VPS54: variants seen among roughly 807,000 people sequenced by gnomAD.
The protein encoded by VPS54 is VPS54 subunit of GARP complex, also known as vacuolar protein sorting-associated protein 54.
Under a neutral mutation model 121.5 loss-of-function variants are expected in VPS54, and 45 were observed. The ratio of observed to expected loss-of-function variants is 0.37; its 90% CI spans 0.29 to 0.47. The LOEUF (loss-of-function observed/expected upper bound fraction) is 0.47. VPS54 is among the 20% of genes least tolerant of loss of function. The pLI, the probability that VPS54 is intolerant of heterozygous loss-of-function variation, is 0.99. For synonymous variants in VPS54, 371 were observed against 385.8 expected (o/e 0.96, Z 0.45); for missense variants, 1,090 against 1,131.4 (o/e 0.96, Z 0.52).
rs181752423 is a variant in VPS54 at position 63,894,629 on chromosome 2, G to A, written c.2829-1094C>T. ...GCAGTGGGAGGATTGCTTGAGCCACGGAGGTTGAGGCTGCAGTGAGCCATG... is the reference window on the plus strand; with the variant it reads ...GCAGTGGGAGGATTGCTTGAGCCACAGAGGTTGAGGCTGCAGTGAGCCATG... On this transcript the variant is annotated intron_variant, in intron 22 of 22. Coordinates refer to ENST00000272322, the MANE Select transcript of VPS54 (RefSeq NM_016516.3). Among the ~76,000 whole-genome samples the A allele has an allele frequency of 1.2e-3, 188 of 152,060 alleles. 1 individual carries two copies. The highest frequency in any genetic ancestry group is 3.9e-3 in the African/African-American group (162 of 41,466).
At chr2:63,995,861 A>G (rs1677560662) in intron 1 of VPS54, among the ~76,000 whole-genome samples, 1 of 152,224 alleles carries the variant, frequency 6.6e-6, no homozygotes, top group African/African-American at 2.4e-5. Context: ...GACTAAATTA[A>G]ATAAACAAAT....
intron 9 of VPS54, among the ~76,000 whole-genome samples, chr2:63,945,994 C>T (rs1185065594): frequency 6.6e-6 from 1 of 152,084 alleles, no homozygotes; most frequent in African/African-American, 2.4e-5. Flanking sequence ...CAGAACTCAG[C>T]TCATGAAACA....
rs182383776 is a variant in VPS54, at chr2:63,992,041, C to T, written c.-20-8022G>A. 2.8e-3 allele frequency among the ~76,000 whole-genome samples: 419 copies of T among 152,316 alleles called. 1 individual carries two copies. Among genetic ancestry groups the T allele is most frequent in the Non-Finnish European group, 4.2e-3 (287 of 68,020 alleles). ...GTGTTAGGTAGGGCATCCACCTCTG[C>T]TAAAGGAATCACCATTCATACTGGT... On this transcript the variant is annotated intron_variant, in intron 1 of 22. Coordinates refer to ENST00000272322, the MANE Select transcript of VPS54 (RefSeq NM_016516.3).
chr2:63,934,346 C>T (rs116383629), intron 11 of VPS54, among the ~76,000 whole-genome samples: 1,959 of 152,192 alleles, frequency 0.013, 57 homozygotes, highest in African/African-American at 0.045. Flanking sequence ...GAATCATATA[C>T]ATTGATATGC....
Position 63,999,344 on chromosome 2 carries a change from G to A in VPS54, c.-20-15325C>T, listed in dbSNP as rs533336200. Among the ~76,000 whole-genome samples the A allele has an allele frequency of 8.5e-5, 13 of 152,292 alleles. No individual in the cohort carries two copies. In the South Asian group the frequency reaches 2.7e-3, roughly 32 times the overall value. On this transcript the variant is annotated intron_variant, in intron 1 of 22. Coordinates refer to ENST00000272322, the MANE Select transcript of VPS54 (RefSeq NM_016516.3). ...AAGTCTTTATTTCTCTTTCATGTTT[G>A]AAGGATATTTTCATTGGATATAGTA...
intron 20 of VPS54, among the ~76,000 whole-genome samples, chr2:63,909,138 A>G (rs1673025478): frequency 2.0e-5 from 3 of 152,176 alleles, no homozygotes; most frequent in African/African-American, 4.8e-5. Flanking sequence ...CTCCAGCACT[A>G]AATTAGCTCC....
chr2:63,945,224 G>C (rs1259979420), intron 9 of VPS54, among the ~76,000 whole-genome samples: 2 of 152,088 alleles, frequency 1.3e-5, no homozygotes, highest in Non-Finnish European at 2.9e-5. Flanking sequence ...AAAACAATGA[G>C]GTTATGTCCT....
chr2:63,912,965 A>C (rs1673219001), intron 18 of VPS54, among the ~76,000 whole-genome samples: 1 of 152,214 alleles, frequency 6.6e-6, no homozygotes, highest in African/African-American at 2.4e-5. Context: ...AATACTTTAT[A>C]CACATTATAT....
Position 63,944,616 on chromosome 2 carries a change from T to C in VPS54, c.1285A>G (p.Thr429Ala), listed in dbSNP as rs765562657. The C allele has an allele frequency of 2.5e-6, 4 of 1,610,570 alleles. No individual in the cohort carries two copies. The highest frequency in any genetic ancestry group is 3.4e-6 in the Non-Finnish European group (4 of 1,178,604). Residue 429 changes from threonine (T) to alanine (A), a missense_variant, in exon 10 of 23, where the codon ACA becomes GCA. By Grantham distance (58) the Thr-to-Ala change is moderately conservative (BLOSUM62 0). Transcript: ENST00000272322. ...NKVSQTEEID[T>A]DVVVKLADQM... ...TATACTTACTTCACAACAACATCTG[T>C]GTCTATTTCTTCTGTTTGTGAAACT...
chr2:63,958,981 G>A (rs2104553378), intron 7 of VPS54, among the ~76,000 whole-genome samples: 1 of 152,318 alleles, frequency 6.6e-6, no homozygotes, highest in East Asian at 1.9e-4. Context: ...CCTAATGGGA[G>A]AGTGTAATTA....
chr2:63,924,441 T>G (rs1228925537), intron 12 of VPS54, among the ~76,000 whole-genome samples: 3 of 152,176 alleles, frequency 2.0e-5, no homozygotes, highest in Non-Finnish European at 4.4e-5. Flanking sequence ...ATCTAAAATG[T>G]ATATGGATTT....
chr2:63,976,416 C>T (rs1013942177), intron 3 of VPS54, among the ~76,000 whole-genome samples: 1 of 150,468 alleles, frequency 6.6e-6, no homozygotes, highest in Non-Finnish European at 1.5e-5. Context: ...CCTTATAATG[C>T]TTTTGTCTGA....
At chr2:63,921,711 G>C (rs1673655561) in intron 12 of VPS54, among the ~76,000 whole-genome samples, 1 of 151,890 alleles carries the variant, frequency 6.6e-6, no homozygotes, top group Non-Finnish European at 1.5e-5. Flanking sequence ...AATATCCCTG[G>C]CCTCAAGCAA....
intron 1 of VPS54, among the ~76,000 whole-genome samples, chr2:63,999,826 C>T (rs1277429696): frequency 6.6e-6 from 1 of 151,968 alleles, no homozygotes; most frequent in Admixed American, 6.6e-5. Context: ...AAAAGCCTGT[C>T]TTCAAGCTCA....
rs1673238088 is a variant in VPS54, at chr2:63,913,392, C to T, written c.2335-82G>A. 3 of 963,594 alleles carry T rather than the reference C, an allele frequency of 3.1e-6. No homozygotes were observed. In the African/African-American group the frequency reaches 5.0e-5, roughly 16 times the overall value. The allele number at this position is 963,594 out of a possible 1,614,324, so 59.7% of individuals were successfully genotyped here. A position where few individuals can be genotyped will look rare whatever the true frequency, so the allele number is the denominator to read the frequency against. On this transcript the variant is annotated intron_variant, in intron 17 of 22. Transcript: ENST00000272322. ...CTGGCAATGTGCTATTATAAAAATA[C>T]ATTCCCCTTTCCTCTCATTCAATGG...
intron 11 of VPS54, among the ~76,000 whole-genome samples, chr2:63,939,350 G>C (rs66660401): frequency 4.6e-5 from 7 of 151,440 alleles, no homozygotes; most frequent in African/African-American, 1.5e-4. Flanking sequence ...CCAGCCTGGC[G>C]ACAGAGTGAA....
At chr2:63,921,099 G>A in intron 13 of VPS54, 107 bp downstream of exon 13, 1 of 1,218,474 alleles carries the variant, frequency 8.2e-7, no homozygotes, top group Non-Finnish European at 1.1e-6. Context: ...TTTATTAAAT[G>A]TTAAAAATAT....
chr2:63,993,086 G>A (rs1677404318), intron 1 of VPS54, among the ~76,000 whole-genome samples: 1 of 152,168 alleles, frequency 6.6e-6, no homozygotes, highest in Non-Finnish European at 1.5e-5. Flanking sequence ...TTGAGCTGCT[G>A]TGTTAGAGGC....
intron 1 of VPS54, among the ~76,000 whole-genome samples, chr2:64,016,640 G>A (rs934328704): frequency 6.9e-5 from 10 of 144,396 alleles, no homozygotes; most frequent in Admixed American, 4.9e-4. Context: ...ATGGAGTCTC[G>A]TTCTGTCACC....
Sources: gnomAD v4.1 joint callset for allele counts (sites outside exome capture counted in the v4.1 genomes callset) on GRCh38, gnomAD v4.1.1 for gene constraint, MANE v1.5 for transcripts, NCBI Gene and HGNC (gene_info 2026-07-23, HGNC 2026-07-21) for gene names.